Variants in SNX19 observed in about 807,000 individuals in gnomAD.
The protein encoded by SNX19 is sorting nexin 19, also known as sorting nexin-19.
Under a neutral mutation model 85.2 loss-of-function variants are expected in SNX19, and 60 were observed. The observed-to-expected ratio is 0.70, with a 90% CI of 0.57 to 0.87. The LOEUF (loss-of-function observed/expected upper bound fraction) is 0.87, where lower values mean the gene tolerates loss of function less well. Among genes scored for constraint, SNX19 ranks in the 40% least tolerant of loss-of-function variants. SNX19 has a pLI of 0.00. For synonymous variants in SNX19, 520 were observed against 470.0 expected (o/e 1.11, Z -1.38); for missense variants, 1,201 against 1,217.8 (o/e 0.99, Z 0.21).
chr11:130,880,945 G>A (rs1208614420), intron 8 of SNX19, 139 bp from the exon 9 acceptor site: 7 of 630,738 alleles, frequency 1.1e-5, no homozygotes, highest in East Asian at 2.8e-5. Context: ...AGGAGGTGGG[G>A]CCTTTGGGGA....
chr11:130,906,434 C>T (rs1945676265), intron 6 of SNX19, among the ~76,000 whole-genome samples, 191 bp downstream of exon 6: 1 of 152,196 alleles, frequency 6.6e-6, no homozygotes, highest in South Asian at 2.1e-4. Context: ...AGCCAACCTG[C>T]CAACCCAGAA....
chr11:130,905,581 C>T (rs554624153), intron 7 of SNX19: 5 of 1,223,438 alleles, frequency 4.1e-6, no homozygotes, highest in African/African-American at 3.1e-5. Flanking sequence ...TAAGAAGCCA[C>T]GAAAAAGGCA....
intron 4 of SNX19, among the ~76,000 whole-genome samples, chr11:130,909,717 A>G (rs756221679): frequency 1.6e-4 from 24 of 152,314 alleles, no homozygotes; most frequent in Middle Eastern, 3.4e-3. Context: ...GAAGACACAG[A>G]TCAATCTTCA....
rs1945389144 is a variant in SNX19, at chr11:130,903,277, T to C, written c.2551A>G (p.Ile851Val). ...TACCTTTGAACTAGGGTCCCAAAGA[T>C]AAGACGAAGAAACTTTTGCATGTTT... ...TENMQKFLRL[I>V]FGTLVQRWLE... Residue 851 changes from isoleucine to valine, a missense_variant, in exon 8 of 11, where the codon ATC becomes GTC. By Grantham distance (29) the Ile-to-Val change is conservative. This residue lies in a region of SNX19 where 285 missense variants were observed against 295.3 expected (regional missense o/e 0.97). Coordinates refer to ENST00000265909, the MANE Select transcript of SNX19 (RefSeq NM_014758.3). 2 of 1,613,790 alleles carry C rather than the reference T, an allele frequency of 1.2e-6. No homozygotes were observed. The highest frequency in any genetic ancestry group is 2.7e-5 in the African/African-American group (2 of 74,914).
intron 9 of SNX19, 131 bp downstream of exon 9, chr11:130,880,491 G>T: frequency 1.3e-6 from 1 of 771,236 alleles, no homozygotes; most frequent in Non-Finnish European, 2.0e-6. Context: ...GGAAATGATG[G>T]GTCAACAGAG....
At chr11:130,909,909 C>G in intron 4 of SNX19, 109 bp downstream of exon 4, 1 of 1,434,070 alleles carries the variant, frequency 7.0e-7, no homozygotes, top group Non-Finnish European at 9.5e-7. Flanking sequence ...TCTGTGCTGC[C>G]CCTTCCCACA....
In SNX19 at chr11:130,905,941, C is replaced by A; in HGVS notation, c.2443+12G>T. On this transcript the variant is annotated intron_variant, in intron 7 of 10. Coordinates refer to ENST00000265909, the MANE Select transcript of SNX19 (RefSeq NM_014758.3). The stretch of plus-strand genomic sequence containing the variant: ...CTCCCTTCTCCATGGGAGCAGAGAC[C>A]TCGCCACTCACCTGGATCGCTGTTG... The A allele has an allele frequency of 6.2e-7, 1 of 1,614,196 alleles. No individual in the cohort carries two copies. The highest frequency in any genetic ancestry group is 8.5e-7 in the Non-Finnish European group (1 of 1,180,038).
At chr11:130,888,559 T>A (rs907184018) in intron 8 of SNX19, among the ~76,000 whole-genome samples, 6 of 152,230 alleles carry the variant, frequency 3.9e-5, no homozygotes, top group African/African-American at 1.4e-4. Context: ...ACACTCCTAC[T>A]GAACCCATAA....
At chr11:130,912,477 C>T (rs1946202201) in intron 1 of SNX19, among the ~76,000 whole-genome samples, 1 of 152,174 alleles carries the variant, frequency 6.6e-6, no homozygotes, top group African/African-American at 2.4e-5. Context: ...ATGGAATCTG[C>T]AACTCAGCAT....
intron 8 of SNX19, among the ~76,000 whole-genome samples, chr11:130,895,413 G>A (rs928699682): frequency 3.9e-5 from 6 of 152,190 alleles, no homozygotes; most frequent in Non-Finnish European, 7.4e-5. Flanking sequence ...GATCTTCTGT[G>A]TTCATTTATT....
At position 130,874,840 on chromosome 11, in the gene SNX19, G is replaced by A. The variant is rs1045472648; in HGVS notation, c.*3582C>T. Among the ~76,000 whole-genome samples, 1 of 152,228 alleles carries A rather than the reference G, an allele frequency of 6.6e-6. No homozygotes were observed. Among genetic ancestry groups the A allele is most frequent in the Non-Finnish European group, 1.5e-5 (1 of 68,042 alleles). Reference sequence around the variant, plus strand: ...AATATCACCTAATACCTTTTAAGATGCCATTATGAAAAAACAAAACATTAC... The same window carrying A: ...AATATCACCTAATACCTTTTAAGATACCATTATGAAAAAACAAAACATTAC... On this transcript the variant is annotated 3_prime_UTR_variant, in exon 11 of 11. Coordinates refer to ENST00000265909, the MANE Select transcript of SNX19 (RefSeq NM_014758.3).
chr11:130,884,849 G>A (rs1227936712), intron 8 of SNX19, among the ~76,000 whole-genome samples: 1 of 142,706 alleles, frequency 7.0e-6, no homozygotes, highest in Non-Finnish European at 1.5e-5. Context: ...TCCAGCCTGG[G>A]TGACAGAGGG....
At chr11:130,899,713 C>T (rs552601875) in intron 8 of SNX19, among the ~76,000 whole-genome samples, 8 of 152,294 alleles carry the variant, frequency 5.3e-5, no homozygotes, top group Non-Finnish European at 7.3e-5. Context: ...TATAAAACAT[C>T]TTCACCTGGA....
rs2135257935 is a variant in SNX19, at chr11:130,874,951, T to C, written c.*3471A>G. 6.6e-6 allele frequency among the ~76,000 whole-genome samples: 1 copy of C among 152,330 alleles called. No homozygotes were observed. Among genetic ancestry groups the C allele is most frequent in the South Asian group, 2.1e-4 (1 of 4,830 alleles). On this transcript the variant is annotated 3_prime_UTR_variant, in exon 11 of 11. Coordinates refer to ENST00000265909, the MANE Select transcript of SNX19 (RefSeq NM_014758.3). ...ATGGTCTAGTCACTATGGAAAACAG[T>C]ATGAAGGTCTTCAAAGAATTAAAAA...
chr11:130,901,060 C>T (rs1486944673), intron 8 of SNX19, among the ~76,000 whole-genome samples: 2 of 152,204 alleles, frequency 1.3e-5, no homozygotes, highest in Non-Finnish European at 2.9e-5. Context: ...AGCTTGGTAA[C>T]ACTGATATTT....
chr11:130,908,227 C>T (rs776000770), intron 4 of SNX19, 144 bp from the exon 5 acceptor site: 5 of 792,020 alleles, frequency 6.3e-6, no homozygotes, highest in South Asian at 2.5e-5. Flanking sequence ...GTAGGAAGGT[C>T]GAATACCAGC....
At chr11:130,909,622 C>T (rs544068095) in intron 4 of SNX19, among the ~76,000 whole-genome samples, 1 of 152,294 alleles carries the variant, frequency 6.6e-6, no homozygotes, top group African/African-American at 2.4e-5. Flanking sequence ...AGCCTCAGGT[C>T]GTCTTAGGCT....
chr11:130,890,145 T>C (rs1416624097), intron 8 of SNX19, among the ~76,000 whole-genome samples: 1 of 152,194 alleles, frequency 6.6e-6, no homozygotes, highest in Non-Finnish European at 1.5e-5. Context: ...CTTCTCAATC[T>C]GCAAGGTGGA....
At chr11:130,892,342 C>T (rs1174194864) in intron 8 of SNX19, among the ~76,000 whole-genome samples, 1 of 152,076 alleles carries the variant, frequency 6.6e-6, no homozygotes, top group Non-Finnish European at 1.5e-5. Context: ...GTTGAACAAA[C>T]TCTCTGAGCT....
Sources: gnomAD v4.1 joint callset for allele counts (sites outside exome capture counted in the v4.1 genomes callset) on GRCh38, gnomAD v4.1.1 for gene constraint, gnomAD v4.1.1 regional missense constraint, MANE v1.5 for transcripts, NCBI Gene and HGNC (gene_info 2026-07-23, HGNC 2026-07-21) for gene names.